Variants in RPS6KA2 observed in about 807,000 individuals in gnomAD.
RPS6KA2 encodes the protein ribosomal protein S6 kinase alpha-2.
In RPS6KA2, 42 loss-of-function variants were observed where a neutral mutation model predicts 91.8. The observed-to-expected ratio is 0.46, with a 90% CI of 0.36 to 0.59. The LOEUF is 0.59. Among genes scored for constraint, RPS6KA2 ranks in the 20% least tolerant of loss-of-function variants. The probability of loss-of-function intolerance (pLI) is 0.00; values close to 1 mark genes in which losing one functional copy is unlikely to be tolerated. For synonymous variants in RPS6KA2, 414 were observed against 393.6 expected, an observed-to-expected ratio of 1.05 and a Z score of -0.61; for missense variants, 798 against 978.5, an observed-to-expected ratio of 0.82 and a Z score of 2.46.
chr6:166,852,571 T>C lies in RPS6KA2; in HGVS notation c.123+5629A>G, dbSNP rs538894981. Among the ~76,000 whole-genome samples the C allele has an allele frequency of 6.6e-6, 1 of 152,296 alleles. No individual in the cohort carries two copies. Among genetic ancestry groups the C allele is most frequent in the Non-Finnish European group, 1.5e-5 (1 of 68,008 alleles). On this transcript the variant is annotated intron_variant, in intron 2 of 21. Transcript: ENST00000503859. The surrounding 1 kb of genome is among the most constrained non-coding windows in gnomAD (Gnocchi z 4.1). ...CCAGAGCTCCTGAACACACCCGGCC[T>C]GGCTCTCTCTTTCACCCTTTCTGCC...
chr6:166,584,278 C>T (rs1199690527), intron 1 of RPS6KA2, among the ~76,000 whole-genome samples: 1 of 152,196 alleles, frequency 6.6e-6, no homozygotes, highest in African/African-American at 2.4e-5. Flanking sequence ...TCTTCCTCTT[C>T]CTCTGAGGAC....
intron 2 of RPS6KA2, among the ~76,000 whole-genome samples, chr6:166,832,299 TG>T (rs1344776462): frequency 6.6e-6 from 1 of 152,262 alleles, no homozygotes; most frequent in Non-Finnish European, 1.5e-5. Flanking sequence ...TTGGCTGTGC[TG>T]AGGAAGTTGG....
rs527927838 is a variant in RPS6KA2 at position 166,726,529 on chromosome 6, C to T, written c.123+131671G>A. On this transcript the variant is annotated intron_variant, in intron 2 of 21. Coordinates refer to the RPS6KA2 transcript ENST00000503859. The surrounding 1 kb of genome is among the most constrained non-coding windows in gnomAD (Gnocchi z 4.4). The stretch of plus-strand genomic sequence containing the variant: ...AATGAAAGAAGGACATGCATCCTGC[C>T]GCCCATGTCAGACACACGTCCCTTG... Among the ~76,000 whole-genome samples, 15 of 152,334 alleles carry T rather than the reference C, an allele frequency of 9.8e-5. No individual in the cohort carries two copies. Among genetic ancestry groups the T allele is most frequent in the African/African-American group, 2.2e-4 (9 of 41,572 alleles).
intron 1 of RPS6KA2, among the ~76,000 whole-genome samples, chr6:166,615,962 G>A (rs1174961479): frequency 6.6e-6 from 1 of 152,124 alleles, no homozygotes; most frequent in Non-Finnish European, 1.5e-5. Flanking sequence ...TCATTCAATG[G>A]AATTCAGCCT....
In RPS6KA2 at chr6:166,586,765, A is replaced by C. The variant is rs143660587; in HGVS notation, c.99+40156T>G. On this transcript the variant is annotated intron_variant, in intron 1 of 20. Transcript: ENST00000265678. ...AAAGAATGACCACAGTTTATTCTGAAGACATGACAAAGGTAACACACATCA... is the reference window on the plus strand; with the variant it reads ...AAAGAATGACCACAGTTTATTCTGACGACATGACAAAGGTAACACACATCA... Among the ~76,000 whole-genome samples, 156 of 152,376 alleles carry C rather than the reference A, an allele frequency of 1.0e-3. 2 individuals carry two copies. Among genetic ancestry groups the C allele is most frequent in the Middle Eastern group, 0.01 (3 of 294 alleles).
At chr6:166,439,512 G>A (rs1262753721) in intron 14 of RPS6KA2, among the ~76,000 whole-genome samples, 2 of 152,266 alleles carry the variant, frequency 1.3e-5, no homozygotes, top group Admixed American at 6.5e-5. Context: ...GTGAGCTCCT[G>A]CCATGTGCCC....
At chr6:166,760,415 G>A (rs1032777132) in intron 2 of RPS6KA2, among the ~76,000 whole-genome samples, 3 of 152,196 alleles carry the variant, frequency 2.0e-5, no homozygotes, top group Non-Finnish European at 4.4e-5. Context: ...GAACTACATC[G>A]AAGATGAACT....
chr6:166,566,526 C>T (rs1349134126), intron 1 of RPS6KA2, among the ~76,000 whole-genome samples: 2 of 152,238 alleles, frequency 1.3e-5, no homozygotes, highest in Admixed American at 1.3e-4. Context: ...GGCTTCCAGG[C>T]AGCAGAGCTC....
Position 166,433,197 on chromosome 6 carries a change from C to T in RPS6KA2, c.1333-707G>A, listed in dbSNP as rs1779194397. ...TGTTCCGGGAATTACAAACCAGCCA[C>T]AAAATGAGGTGAGGCGCATGGCTCT... On this transcript the variant is annotated intron_variant, in intron 14 of 20. Coordinates refer to ENST00000265678, the MANE Select transcript of RPS6KA2 (RefSeq NM_021135.6). The surrounding 1 kb of genome is among the most constrained non-coding windows in gnomAD (Gnocchi z 4.4). Among the ~76,000 whole-genome samples, 1 of 152,142 alleles carries T rather than the reference C, an allele frequency of 6.6e-6. No homozygotes were observed. Among genetic ancestry groups the T allele is most frequent in the Non-Finnish European group, 1.5e-5 (1 of 68,018 alleles).
Position 166,745,274 on chromosome 6 carries a change from C to G in RPS6KA2, c.123+112926G>C, listed in dbSNP as rs562825606. 2.4e-4 allele frequency among the ~76,000 whole-genome samples: 37 copies of G among 152,018 alleles called. No individual in the cohort carries two copies. In the East Asian group the frequency reaches 7.2e-3, roughly 30 times the overall value. On this transcript the variant is annotated intron_variant, in intron 2 of 21. Transcript: ENST00000503859. ...TCAAGCGATTCCCCTGCCTCAGCCTCCTGAGTAGCTGGGATTTCAGGTGTG... is the reference window on the plus strand; with the variant it reads ...TCAAGCGATTCCCCTGCCTCAGCCTGCTGAGTAGCTGGGATTTCAGGTGTG...
At chr6:166,824,671 G>T (rs1051951591) in intron 2 of RPS6KA2, among the ~76,000 whole-genome samples, 1 of 150,864 alleles carries the variant, frequency 6.6e-6, no homozygotes, top group South Asian at 2.1e-4. Context: ...GTCTATGTGT[G>T]TGTCTGTGTG....
chr6:166,435,201 G>A lies in RPS6KA2; in HGVS notation c.1333-2711C>T, dbSNP rs113932505. On this transcript the variant is annotated intron_variant, in intron 14 of 20. Transcript: ENST00000265678. The surrounding 1 kb of genome is among the most constrained non-coding windows in gnomAD (Gnocchi z 4.3). ...CCTAGTATCTATTTTATTTCTATGT[G>A]TTCTTTTGTTGTGAGTCTTCAGAAA... Among the ~76,000 whole-genome samples the A allele has an allele frequency of 3.3e-5, 5 of 152,210 alleles. No individual in the cohort carries two copies. Among genetic ancestry groups the A allele is most frequent in the African/African-American group, 1.2e-4 (5 of 41,536 alleles).
At chr6:166,667,518 C>T (rs192819174) in intron 2 of RPS6KA2, among the ~76,000 whole-genome samples, 416 of 152,280 alleles carry the variant, frequency 2.7e-3, no homozygotes, top group South Asian at 6.2e-3. Flanking sequence ...CTTCTAATGT[C>T]GCCATAGATG....
At chr6:166,783,354 G>A (rs954253398) in intron 2 of RPS6KA2, among the ~76,000 whole-genome samples, 1 of 152,026 alleles carries the variant, frequency 6.6e-6, no homozygotes, top group African/African-American at 2.4e-5. Context: ...CTACCCTGAA[G>A]AGGAAGGAAC....
At chr6:166,656,514 C>G (rs1399770230) in intron 2 of RPS6KA2, among the ~76,000 whole-genome samples, 1 of 152,252 alleles carries the variant, frequency 6.6e-6, no homozygotes, top group African/African-American at 2.4e-5. Flanking sequence ...GAATGAGGAA[C>G]AGCCATTCCC....
chr6:166,440,134 G>A (rs1322162055), intron 14 of RPS6KA2: 1 of 152,246 alleles, frequency 6.6e-6, no homozygotes, highest in Non-Finnish European at 1.5e-5. Context: ...TAAGCCACTA[G>A]ATGTGGGGTA....
At chr6:166,720,692 T>C (rs929565701) in intron 2 of RPS6KA2, among the ~76,000 whole-genome samples, 1 of 152,274 alleles carries the variant, frequency 6.6e-6, no homozygotes, top group Non-Finnish European at 1.5e-5. Context: ...AAATGACCTC[T>C]GTGTATTAAA....
Position 166,533,694 on chromosome 6 carries a change from C to A in RPS6KA2, c.217-2381G>T, listed in dbSNP as rs1197874642. ...TGGAAGCCTTGGGTGGTTGCTCCAG[C>A]CCATGGTGGACTTTGGTAGGGTGAC... On this transcript the variant is annotated intron_variant, in intron 2 of 20. Transcript: ENST00000265678. The surrounding 1 kb of genome is among the most constrained non-coding windows in gnomAD (Gnocchi z 4.0). Among the ~76,000 whole-genome samples the A allele has an allele frequency of 6.6e-6, 1 of 152,228 alleles. No homozygotes were observed. The highest frequency in any genetic ancestry group is 1.9e-4 in the East Asian group (1 of 5,198).
intron 2 of RPS6KA2, among the ~76,000 whole-genome samples, chr6:166,667,414 C>A (rs557807378): frequency 1.3e-5 from 2 of 152,274 alleles, no homozygotes; most frequent in South Asian, 4.1e-4. Context: ...ATGAAAATTA[C>A]TAATTTGCCT....
Sources: gnomAD v4.1 joint callset for allele counts (sites outside exome capture counted in the v4.1 genomes callset) on GRCh38, gnomAD v4.1.1 for gene constraint, Gnocchi (gnomAD v3.1) non-coding constraint, MANE v1.5 for transcripts, NCBI Gene and HGNC (gene_info 2026-07-23, HGNC 2026-07-21) for gene names.